DGLUCY: variants seen among roughly 807,000 people sequenced by gnomAD.
The protein encoded by DGLUCY is D-glutamate cyclase, mitochondrial.
In DGLUCY, 58 loss-of-function variants were observed where a neutral mutation model predicts 58.5. The ratio of observed to expected loss-of-function variants is 0.99; its 90% CI spans 0.80 to 1.23. The LOEUF is 1.23. Ranked by LOEUF, DGLUCY falls within the 50% of genes most tolerant of loss-of-function variation. The pLI, the probability that DGLUCY is intolerant of heterozygous loss-of-function variation, is 0.00. For missense variants in DGLUCY, 779 were observed against 784.7 expected (o/e 0.99, Z 0.09); for synonymous variants, 325 against 314.1 (o/e 1.03, Z -0.37).
At chr14:91,133,882 C>T (rs987582589) in intron 1 of DGLUCY, among the ~76,000 whole-genome samples, 14 of 152,184 alleles carry the variant, frequency 9.2e-5, no homozygotes, top group African/African-American at 3.4e-4. Context: ...TTTTGATTTG[C>T]AGTTCTGTAA....
chr14:91,060,457 GC>G, exon 1 of DGLUCY: 1 of 1,420,720 alleles, frequency 7.0e-7, no homozygotes, highest in South Asian at 1.6e-5. Flanking sequence ...TTCCGATCCC[GC>G]GGGTCGCTAC....
chr14:91,175,836 T>C (rs1415363349), intron 6 of DGLUCY, 98 bp from the exon 7 acceptor site: 2 of 1,385,012 alleles, frequency 1.4e-6, no homozygotes, highest in Non-Finnish European at 2.0e-6. Context: ...ATCCTGCAAT[T>C]TGAGTTTCTG....
At chr14:91,082,396 C>T (rs755501116) in intron 1 of DGLUCY, among the ~76,000 whole-genome samples, 10 of 152,156 alleles carry the variant, frequency 6.6e-5, no homozygotes, top group Non-Finnish European at 1.2e-4. Context: ...GAGGCCTTAT[C>T]GAAACAGCCA....
chr14:91,215,852 GCAT>G, intron 13 of DGLUCY: 1 of 957,344 alleles, frequency 1.0e-6, no homozygotes, highest in East Asian at 4.9e-5. Flanking sequence ...GGGGTGGTCA[GCAT>G]TGTTGTTGGA....
intron 12 of DGLUCY, among the ~76,000 whole-genome samples, chr14:91,213,442 A>T (rs1041932000): frequency 6.6e-6 from 1 of 152,184 alleles, no homozygotes; most frequent in Non-Finnish European, 1.5e-5. Flanking sequence ...CTCAAAAAAA[A>T]AAATAATAAT....
rs780273610 is a variant in DGLUCY at position 91,160,269 on chromosome 14, C to A, written c.-26C>A. On this transcript the variant is annotated 5_prime_UTR_variant, in exon 3 of 14. Coordinates refer to ENST00000256324, the MANE Select transcript of DGLUCY (RefSeq NM_001102368.3). Reference sequence around the variant, plus strand: ...TCCCTTTCCTTCCCTCACCCAGATTCTCTGCTACTTATTCAAGTTGACACG... The same window carrying A: ...TCCCTTTCCTTCCCTCACCCAGATTATCTGCTACTTATTCAAGTTGACACG... 25 of 1,570,414 alleles carry A rather than the reference C, an allele frequency of 1.6e-5. No individual in the cohort carries two copies. The highest frequency in any genetic ancestry group is 3.4e-4 in the Middle Eastern group (2 of 5,968).
At chr14:91,175,884 A>T (rs760125548) in intron 6 of DGLUCY, 50 bp from the exon 7 acceptor site, 7 of 1,605,548 alleles carry the variant, frequency 4.4e-6, no homozygotes, top group Non-Finnish European at 6.0e-6. Flanking sequence ...AACCAGTTCT[A>T]ATTGGATGCT....
chr14:91,075,744 CG>C (rs11344985), intron 1 of DGLUCY, among the ~76,000 whole-genome samples: 24,970 of 152,108 alleles, frequency 0.16, 2,530 homozygotes, highest in East Asian at 0.45. Flanking sequence ...AGCACTAGCC[CG>C]GGTGGTTCAT....
At chr14:91,191,747 A>G (rs1338972974) in intron 9 of DGLUCY, among the ~76,000 whole-genome samples, 1 of 152,182 alleles carries the variant, frequency 6.6e-6, no homozygotes, top group African/African-American at 2.4e-5. Context: ...GGTACAGTCA[A>G]CATGATTTCC....
upstream of DGLUCY, among the ~76,000 whole-genome samples, chr14:91,111,248 G>GTGTATC (rs1555391921): frequency 1.2e-5 from 1 of 81,154 alleles, no homozygotes; most frequent in East Asian, 3.1e-4. Flanking sequence ...GTGTGTGTGT[G>GTGTATC]TATATATCTA....
chr14:91,160,209 C>A, intron 2 of DGLUCY, 57 bp from the exon 3 acceptor site: 1 of 1,062,698 alleles, frequency 9.4e-7, no homozygotes, highest in Non-Finnish European at 1.5e-6. Context: ...GAGGCTGAAT[C>A]TGCTGCCTTC....
chr14:91,135,312 G>T (rs1292471964), intron 1 of DGLUCY, among the ~76,000 whole-genome samples: 1 of 152,106 alleles, frequency 6.6e-6, no homozygotes, highest in Non-Finnish European at 1.5e-5. Flanking sequence ...CTTAGGCCTT[G>T]CTCCTGATCT....
At chr14:91,164,444 CTT>C (rs1382529687) in intron 3 of DGLUCY, among the ~76,000 whole-genome samples, 1 of 152,112 alleles carries the variant, frequency 6.6e-6, no homozygotes, top group African/African-American at 2.4e-5. Context: ...TTATTGTAGT[CTT>C]TGCTATCTGG....
chr14:91,060,448 TC>T, exon 1 of DGLUCY: 1 of 1,449,118 alleles, frequency 6.9e-7, no homozygotes, highest in Non-Finnish European at 9.2e-7. Context: ...CTCCTTTTTT[TC>T]CGATCCCGCG....
In DGLUCY at chr14:91,185,654, GCA is replaced by G. The variant is rs567753982; in HGVS notation, c.935-3253_935-3252del. ...ACCCAAGCTGATGGCTCTCCATTTA[GCA>G]CAGAGTCATGAGGGAAGATGAATTA... On this transcript the variant is annotated intron_variant, in intron 8 of 13. Coordinates refer to ENST00000256324, the MANE Select transcript of DGLUCY (RefSeq NM_001102368.3). 8.6e-5 allele frequency: 13 copies of G among 150,586 alleles called. No homozygotes were observed. In the East Asian group the frequency reaches 2.5e-3, roughly 29 times the overall value. The allele number at this position is 150,586 out of a possible 1,614,324, so 9.3% of individuals were successfully genotyped here.
intron 1 of DGLUCY, among the ~76,000 whole-genome samples, chr14:91,096,329 G>T (rs1031466814): frequency 2.6e-5 from 4 of 151,796 alleles, no homozygotes; most frequent in Non-Finnish European, 5.9e-5. Context: ...CAGGAGAATC[G>T]CTTGATTGCT....
upstream of DGLUCY, among the ~76,000 whole-genome samples, chr14:91,110,594 A>G (rs1256935251): frequency 6.6e-6 from 1 of 151,480 alleles, no homozygotes; most frequent in African/African-American, 2.4e-5. Context: ...CCATGCCTGG[A>G]TAATTTTTGT....
chr14:91,082,936 T>C (rs2044151661), intron 1 of DGLUCY, among the ~76,000 whole-genome samples: 1 of 152,090 alleles, frequency 6.6e-6, no homozygotes, highest in Non-Finnish European at 1.5e-5. Context: ...AAAATTTTTT[T>C]GGTAGAGATG....
At chr14:91,193,552 T>C (rs1193775587) in intron 9 of DGLUCY, among the ~76,000 whole-genome samples, 2 of 152,120 alleles carry the variant, frequency 1.3e-5, no homozygotes, top group African/African-American at 4.8e-5. Flanking sequence ...AGGAAAAGTT[T>C]TAAAGAGGCT....
Sources: allele counts gnomAD v4.1 joint callset (sites outside exome capture counted in the v4.1 genomes callset), GRCh38; gene constraint gnomAD v4.1.1; transcripts MANE v1.5; gene names NCBI Gene and HGNC (gene_info 2026-07-23, HGNC 2026-07-21).